Variants in KLHL10 observed in about 807,000 individuals in gnomAD.
KLHL10 encodes kelch-like protein 10.
A neutral mutation model predicts 46.6 loss-of-function variants in KLHL10; 11 were observed. That is an observed-to-expected ratio of 0.24 (90% confidence interval 0.15 to 0.39). The LOEUF is 0.39. Among genes scored for constraint, KLHL10 ranks in the 10% least tolerant of loss-of-function variants. The probability of loss-of-function intolerance (pLI) is 1.00; values close to 1 mark genes in which losing one functional copy is unlikely to be tolerated. For synonymous variants in KLHL10, 254 were observed against 279.1 expected, an observed-to-expected ratio of 0.91 and a Z score of 0.90; for missense variants, 475 against 789.8, an observed-to-expected ratio of 0.60 and a Z score of 4.78.
In KLHL10 at chr17:41,845,857, C is replaced by T. The variant is rs1393256063; in HGVS notation, c.1302+114C>T. Reference sequence around the variant, plus strand: ...CAGTGGCAGTATTCACTTTGGAGTACTCATTCTTTCTTCAATTGACAAGGT... The same window carrying T: ...CAGTGGCAGTATTCACTTTGGAGTATTCATTCTTTCTTCAATTGACAAGGT... On this transcript the variant is annotated intron_variant, in intron 3 of 4. Coordinates refer to ENST00000293303, the MANE Select transcript of KLHL10 (RefSeq NM_152467.5). 3.1e-6 allele frequency: 4 copies of T among 1,293,846 alleles called. No homozygotes were observed. In the African/African-American group the frequency reaches 5.9e-5, roughly 19 times the overall value. The allele number at this position is 1,293,846 out of a possible 1,614,324, so 80.1% of individuals were successfully genotyped here.
chr17:41,840,505 C>T (rs2048215928), intron 1 of KLHL10, among the ~76,000 whole-genome samples: 1 of 151,932 alleles, frequency 6.6e-6, no homozygotes, highest in Non-Finnish European at 1.5e-5. Context: ...AAAAGCCGGG[C>T]ATGGTGGTGG....
At chr17:41,841,595 G>T (rs1160398777) in intron 1 of KLHL10, among the ~76,000 whole-genome samples, 1 of 152,194 alleles carries the variant, frequency 6.6e-6, no homozygotes, top group African/African-American at 2.4e-5. Flanking sequence ...TTATAGGCGT[G>T]AGCCACCACG....
intron 1 of KLHL10, among the ~76,000 whole-genome samples, chr17:41,838,875 G>A (rs1480021284): frequency 9.9e-5 from 15 of 151,866 alleles, no homozygotes; most frequent in African/African-American, 3.6e-4. Flanking sequence ...TTTTAGTAGA[G>A]ACAGGGTTTT....
rs781785336 is a variant in KLHL10, at chr17:41,845,112, C to T, written c.685-14C>T. The T allele has an allele frequency of 2.1e-5, 34 of 1,614,004 alleles. No individual in the cohort carries two copies. Among genetic ancestry groups the T allele is most frequent in the Non-Finnish European group, 2.6e-5 (31 of 1,180,006 alleles). On this transcript the variant is annotated splice_polypyrimidine_tract_variant and intron_variant, in intron 2 of 4. Coordinates refer to ENST00000293303, the MANE Select transcript of KLHL10 (RefSeq NM_152467.5). ...CTCACGTCACCTGAATGACTTTCTG[C>T]GTTTGCTTCTTAGGTTCGCCTGGCC... is the stretch of plus-strand genomic sequence containing the variant.
At position 41,848,104 on chromosome 17, in the gene KLHL10, T is replaced by C; in HGVS notation, c.1624T>C (p.Phe542Leu). ...TGGCTTTAATGGTTTTACCACCACC[T>C]TTAATGTTGAGTGCTATGATGAAAA... ...VGGFNGFTTT[F>L]NVECYDEKTD... The change falls in exon 5 of 5, where the codon TTT becomes CTT. Residue 542 changes from phenylalanine (F) to leucine (L), a missense_variant. Transcript: ENST00000293303. The C allele has an allele frequency of 6.2e-7, 1 of 1,614,192 alleles. No individual in the cohort carries two copies. The highest frequency in any genetic ancestry group is 8.5e-7 in the Non-Finnish European group (1 of 1,180,038).
At position 41,845,553 on chromosome 17, in the gene KLHL10, C is replaced by T. The variant is rs782069758; in HGVS notation, c.1112C>T (p.Pro371Leu). 3.7e-6 allele frequency: 6 copies of T among 1,614,154 alleles called. No individual in the cohort carries two copies. The highest frequency in any genetic ancestry group is 3.4e-6 in the Non-Finnish European group (4 of 1,180,016). The change falls in exon 3 of 5, where the codon CCG (proline) becomes CTG (leucine). Residue 371 changes from proline (P) to leucine (L), a missense_variant. Coordinates refer to ENST00000293303, the MANE Select transcript of KLHL10 (RefSeq NM_152467.5). Reference sequence around the variant, plus strand: ...AAGAAAACTTGGCATCAGGTGGCCCCGATGCACTCCAGACGTTGCTATGTC... The same window carrying T: ...AAGAAAACTTGGCATCAGGTGGCCCTGATGCACTCCAGACGTTGCTATGTC... Reference protein sequence around the residue: ...PVKKTWHQVAPMHSRRCYVSV... With the variant: ...PVKKTWHQVALMHSRRCYVSV...
At chr17:41,841,399 C>A (rs572716914) in intron 1 of KLHL10, among the ~76,000 whole-genome samples, 4 of 152,248 alleles carry the variant, frequency 2.6e-5, no homozygotes, top group African/African-American at 9.6e-5. Flanking sequence ...ACTGCAACCT[C>A]CGCCTCCCAG....
rs369927964 is a variant in KLHL10, at chr17:41,845,755, G to A, written c.1302+12G>A. The A allele has an allele frequency of 3.1e-6, 5 of 1,613,924 alleles. No homozygotes were observed. The highest frequency in any genetic ancestry group is 3.4e-6 in the Non-Finnish European group (4 of 1,180,044). On this transcript the variant is annotated intron_variant, in intron 3 of 4. Coordinates refer to ENST00000293303, the MANE Select transcript of KLHL10 (RefSeq NM_152467.5). ...CACTTTATGGGAAGGTAAAGGACCA[G>A]GGTGGGAGGGGAAGATGTGGATGCA...
upstream of KLHL10, among the ~76,000 whole-genome samples, chr17:41,836,887 A>G (rs2048167980): frequency 6.6e-6 from 1 of 152,162 alleles, no homozygotes; most frequent in African/African-American, 2.4e-5. Flanking sequence ...CCATAAACTG[A>G]ATTCTGTTAA....
At chr17:41,843,891 A>G (rs1225827737) in intron 2 of KLHL10, among the ~76,000 whole-genome samples, 1 of 150,128 alleles carries the variant, frequency 6.7e-6, no homozygotes, top group African/African-American at 2.5e-5. Context: ...GCTCCCCAGT[A>G]GCTGGGACTA....
At position 41,845,476 on chromosome 17, in the gene KLHL10, G is replaced by A. The variant is rs1555621263; in HGVS notation, c.1035G>A (p.Gly345=). 1.2e-6 allele frequency: 2 copies of A among 1,614,086 alleles called. No homozygotes were observed. The highest frequency in any genetic ancestry group is 1.7e-6 in the Non-Finnish European group (2 of 1,180,052). The change falls in exon 3 of 5, where the codon GGG becomes GGA. Residue 345 remains glycine, a synonymous_variant. Coordinates refer to ENST00000293303, the MANE Select transcript of KLHL10 (RefSeq NM_152467.5). ...AYLKGYVYII[G]GFDSVDYFNS... ...TGAAAGGCTATGTGTATATCATTGGGGGGTTTGATAGTGTAGACTATTTCA... is the reference window on the plus strand; with the variant it reads ...TGAAAGGCTATGTGTATATCATTGGAGGGTTTGATAGTGTAGACTATTTCA...
chr17:41,845,831 G>A (rs782052706), intron 3 of KLHL10, 88 bp downstream of exon 3: 32 of 1,513,842 alleles, frequency 2.1e-5, no homozygotes, highest in Admixed American at 1.9e-4. Flanking sequence ...GATGGAAGAC[G>A]CAGTGGCAGT....
chr17:41,836,338 C>G (rs994627039), upstream of KLHL10: 56 of 1,220,794 alleles, frequency 4.6e-5, no homozygotes, highest in Non-Finnish European at 5.4e-5. Flanking sequence ...CGAGCGGTCC[C>G]GGAGATGGCC....
chr17:41,841,988 C>T lies in KLHL10; in HGVS notation c.360C>T (p.Asn120=). 1.2e-6 allele frequency: 2 copies of T among 1,614,186 alleles called. No individual in the cohort carries two copies. The highest frequency in any genetic ancestry group is 3.3e-5 in the Admixed American group (2 of 60,018). Residue 120 remains asparagine, a synonymous_variant, in exon 2 of 5, where the codon AAC becomes AAT. Coordinates refer to ENST00000293303, the MANE Select transcript of KLHL10 (RefSeq NM_152467.5). ...EKLLAAADQF[N]IMGIVRGCCE... ...TGCTTGCTGCTGCAGACCAGTTTAA[C>T]ATCATGGGTATCGTCAGGGGTTGCT...
At position 41,839,023 on chromosome 17, in the gene KLHL10, G is replaced by A. The variant is rs181834123; in HGVS notation, c.194+897G>A. 4.4e-4 allele frequency among the ~76,000 whole-genome samples: 66 copies of A among 150,098 alleles called. No homozygotes were observed. In the East Asian group the frequency reaches 0.012, roughly 27 times the overall value. ...TTTTCTTTTTTTAAGATGGAGTCTC[G>A]CTTTGTCCCCCAGGCTGGAATGCAG... On this transcript the variant is annotated intron_variant, in intron 1 of 4. Coordinates refer to ENST00000293303, the MANE Select transcript of KLHL10 (RefSeq NM_152467.5).
chr17:41,838,420 T>A (rs2144121153), intron 1 of KLHL10, among the ~76,000 whole-genome samples: 1 of 152,100 alleles, frequency 6.6e-6, no homozygotes, highest in South Asian at 2.1e-4. Flanking sequence ...TGCTGCTACG[T>A]CCGGCTACTT....
Position 41,841,990 on chromosome 17 carries a change from T to C in KLHL10, c.362T>C (p.Ile121Thr). 1.9e-6 allele frequency: 3 copies of C among 1,614,164 alleles called. No individual in the cohort carries two copies. The highest frequency in any genetic ancestry group is 2.5e-6 in the Non-Finnish European group (3 of 1,180,036). Residue 121 changes from isoleucine to threonine, a missense_variant, in exon 2 of 5, where the codon ATC becomes ACC. Coordinates refer to ENST00000293303, the MANE Select transcript of KLHL10 (RefSeq NM_152467.5). ...CTTGCTGCTGCAGACCAGTTTAACA[T>C]CATGGGTATCGTCAGGGGTTGCTGC... ...KLLAAADQFN[I>T]MGIVRGCCEF...
At chr17:41,843,762 ATTAT>A (rs531880551) in intron 2 of KLHL10, among the ~76,000 whole-genome samples, 8 of 151,802 alleles carry the variant, frequency 5.3e-5, no homozygotes, top group African/African-American at 7.2e-5. Context: ...ATAAATATTT[ATTAT>A]TTATTTATTT....
rs782773575 is a variant in KLHL10 at position 41,837,950 on chromosome 17, G to A, written c.18G>A (p.Ala6=). 28 of 1,613,850 alleles carry A rather than the reference G, an allele frequency of 1.7e-5. 1 individual carries two copies. The highest frequency in any genetic ancestry group is 1.3e-4 in the Admixed American group (8 of 60,002). The change falls in exon 1 of 5, where the codon GCG becomes GCA. Residue 6 remains alanine, a synonymous_variant. Transcript: ENST00000293303. ...AGGGTGCCATGGAGATGGAGAGCGC[G>A]GCGGCCTCCACACGTTTCCACCAGC... The part of the protein sequence containing the change: MEMES[A]AASTRFHQPH...
Sources: gnomAD v4.1 joint callset for allele counts (sites outside exome capture counted in the v4.1 genomes callset) on GRCh38, gnomAD v4.1.1 for gene constraint, MANE v1.5 for transcripts, NCBI Gene and HGNC (gene_info 2026-07-23, HGNC 2026-07-21) for gene names.